The following ARFIP1 variants were observed in gnomAD, a reference collection of about 807,000 sequenced individuals.
ARFIP1 encodes the protein arfaptin-1.
Under a neutral mutation model 42.5 loss-of-function variants are expected in ARFIP1, and 24 were observed. That is an observed-to-expected ratio of 0.57 (90% confidence interval 0.41 to 0.80). ARFIP1 has a LOEUF of 0.80. Among genes scored for constraint, ARFIP1 ranks in the 30% least tolerant of loss-of-function variants. The pLI is 0.00. For missense variants in ARFIP1, 354 were observed against 434.0 expected (o/e 0.82, Z 1.64); for synonymous variants, 141 against 153.7 (o/e 0.92, Z 0.61).
At chr4:152,877,956 A>C (rs1164226284) in intron 5 of ARFIP1, among the ~76,000 whole-genome samples, 1 of 152,174 alleles carries the variant, frequency 6.6e-6, no homozygotes, top group Non-Finnish European at 1.5e-5. Flanking sequence ...TTTTATTCCC[A>C]GTCTCAGGTA....
chr4:152,786,392 GAC>G (rs1374147716), intron 1 of ARFIP1, among the ~76,000 whole-genome samples: 1 of 152,102 alleles, frequency 6.6e-6, no homozygotes, highest in African/African-American at 2.4e-5. Flanking sequence ...TTCAGTGAAT[GAC>G]ACAATTATCT....
At chr4:152,900,675 A>G (rs1401233895) in intron 8 of ARFIP1, among the ~76,000 whole-genome samples, 2 of 152,210 alleles carry the variant, frequency 1.3e-5, no homozygotes, top group Admixed American at 1.3e-4. Context: ...CAAGGCAGGT[A>G]TATTTTCTTG....
intron 2 of ARFIP1, among the ~76,000 whole-genome samples, chr4:152,846,358 G>A (rs1732535743): frequency 1.3e-5 from 2 of 152,070 alleles, no homozygotes; most frequent in East Asian, 3.8e-4. Flanking sequence ...TGAAATAAAA[G>A]TTGAAATTAA....
chr4:152,848,523 A>G (rs952531779), intron 2 of ARFIP1, among the ~76,000 whole-genome samples: 4 of 152,188 alleles, frequency 2.6e-5, no homozygotes, highest in African/African-American at 9.7e-5. Flanking sequence ...TTGTTGAGCT[A>G]AGTCGTTTCT....
chr4:152,866,021 C>A (rs1734299994), intron 3 of ARFIP1, among the ~76,000 whole-genome samples: 1 of 151,956 alleles, frequency 6.6e-6, no homozygotes, highest in Non-Finnish European at 1.5e-5. Flanking sequence ...CTGCGGCCTT[C>A]CGCAGTGTTT....
intron 1 of ARFIP1, among the ~76,000 whole-genome samples, chr4:152,814,760 T>C (rs908611485): frequency 4.6e-5 from 7 of 152,032 alleles, no homozygotes; most frequent in Non-Finnish European, 7.4e-5. Context: ...ACTACAACTT[T>C]CCCCCTGGGT....
At chr4:152,826,631 A>G (rs1730861032) in intron 1 of ARFIP1, among the ~76,000 whole-genome samples, 1 of 152,200 alleles carries the variant, frequency 6.6e-6, no homozygotes, top group Non-Finnish European at 1.5e-5. Flanking sequence ...GAAATAAAAA[A>G]TTTTATTTAA....
chr4:152,862,759 C>G (rs753584820), intron 2 of ARFIP1, among the ~76,000 whole-genome samples: 1 of 152,124 alleles, frequency 6.6e-6, no homozygotes, highest in Admixed American at 6.5e-5. Flanking sequence ...CTCTGAAGTT[C>G]TAGTCATGTG....
chr4:152,849,990 C>T (rs1037948510), intron 2 of ARFIP1, among the ~76,000 whole-genome samples: 1 of 152,242 alleles, frequency 6.6e-6, no homozygotes, highest in South Asian at 2.1e-4. Flanking sequence ...TCTGCCCTGA[C>T]ACTTTTTTGG....
intron 1 of ARFIP1, among the ~76,000 whole-genome samples, chr4:152,816,836 C>CT (rs1347045080): frequency 6.6e-6 from 1 of 152,224 alleles, no homozygotes; most frequent in Non-Finnish European, 1.5e-5. Flanking sequence ...ATATATGACT[C>CT]TTTTTCCACT....
intron 1 of ARFIP1, among the ~76,000 whole-genome samples, chr4:152,807,547 G>A (rs943475180): frequency 1.3e-5 from 2 of 152,058 alleles, no homozygotes; most frequent in Admixed American, 1.3e-4. Flanking sequence ...GTACTTACTC[G>A]CCATTCCTGT....
At chr4:152,816,834 C>G (rs954605614) in intron 1 of ARFIP1, among the ~76,000 whole-genome samples, 4 of 152,232 alleles carry the variant, frequency 2.6e-5, no homozygotes, top group African/African-American at 2.4e-5. Context: ...GAATATATGA[C>G]TCTTTTTCCA....
At chr4:152,812,328 AG>A (rs1456868597) in intron 1 of ARFIP1, among the ~76,000 whole-genome samples, 1 of 152,160 alleles carries the variant, frequency 6.6e-6, no homozygotes, top group East Asian at 1.9e-4. Flanking sequence ...CTGAGTAGGT[AG>A]GACCACAGGC....
Position 152,829,743 on chromosome 4 carries a change from T to A in ARFIP1, c.93+17T>A, listed in dbSNP as rs1177404456. The A allele has an allele frequency of 6.5e-7, 1 of 1,547,564 alleles. No individual in the cohort carries two copies. Among genetic ancestry groups the A allele is most frequent in the Non-Finnish European group, 8.8e-7 (1 of 1,135,256 alleles). On this transcript the variant is annotated intron_variant, in intron 2 of 8. Transcript: ENST00000353617. ...TTTAATAGGGTAAGAACACTTTTCT[T>A]TCTCTTAATGCAAAGAATCATGGTA... is the stretch of plus-strand genomic sequence containing the variant.
At chr4:152,889,504 T>C (rs1231551457) in intron 8 of ARFIP1, among the ~76,000 whole-genome samples, 1 of 52,330 alleles carries the variant, frequency 1.9e-5, no homozygotes, top group Non-Finnish European at 3.7e-5. Flanking sequence ...TAGTCATATA[T>C]ATATATATAT....
chr4:152,832,244 A>G (rs1731310017), intron 2 of ARFIP1, among the ~76,000 whole-genome samples: 1 of 152,186 alleles, frequency 6.6e-6, no homozygotes, highest in South Asian at 2.1e-4. Flanking sequence ...CATCCTTACT[A>G]GCTCTTCATA....
intron 2 of ARFIP1, among the ~76,000 whole-genome samples, chr4:152,852,937 A>G (rs1419026137): frequency 6.6e-6 from 1 of 152,024 alleles, no homozygotes; most frequent in Non-Finnish European, 1.5e-5. Flanking sequence ...GGCCTTAGTG[A>G]TTTTCAGATT....
chr4:152,837,874 T>G (rs1469060321), intron 2 of ARFIP1, among the ~76,000 whole-genome samples: 1 of 152,228 alleles, frequency 6.6e-6, no homozygotes, highest in Non-Finnish European at 1.5e-5. Context: ...AGAAGGGTTT[T>G]TCCAATGTTA....
chr4:152,804,273 T>TATA (rs1728758304), intron 1 of ARFIP1, among the ~76,000 whole-genome samples: 1 of 90,058 alleles, frequency 1.1e-5, no homozygotes, highest in African/African-American at 4.8e-5. Flanking sequence ...ATATATTATA[T>TATA]ATATAACATA....
Sources: gnomAD v4.1 joint callset for allele counts (sites outside exome capture counted in the v4.1 genomes callset) on GRCh38, gnomAD v4.1.1 for gene constraint, MANE v1.5 for transcripts, NCBI Gene and HGNC (gene_info 2026-07-23, HGNC 2026-07-21) for gene names.